AOPEP: variants seen among roughly 807,000 people sequenced by gnomAD.
AOPEP encodes aminopeptidase O.
In AOPEP, 77 loss-of-function variants were observed where a neutral mutation model predicts 98.1. The ratio of observed to expected loss-of-function variants is 0.78; its 90% CI spans 0.65 to 0.95. The LOEUF is 0.95. Ranked by LOEUF, AOPEP falls within the 40% of genes least tolerant of loss-of-function variation. The probability of loss-of-function intolerance (pLI) is 0.00; values close to 1 mark genes in which losing one functional copy is unlikely to be tolerated. For missense variants in AOPEP, 1,024 were observed against 1,024.7 expected, an observed-to-expected ratio of 1.00 and a Z score of 0.01; for synonymous variants, 346 against 365.3, an observed-to-expected ratio of 0.95 and a Z score of 0.60.
intron 5 of AOPEP, among the ~76,000 whole-genome samples, chr9:94,838,456 C>G (rs762755106): frequency 2.6e-5 from 4 of 152,194 alleles, no homozygotes; most frequent in Non-Finnish European, 5.9e-5. Context: ...TTCTGTCTCT[C>G]TCTTCTATAA....
At chr9:94,845,008 T>C (rs1365112252) in intron 5 of AOPEP, among the ~76,000 whole-genome samples, 1 of 152,248 alleles carries the variant, frequency 6.6e-6, no homozygotes, top group East Asian at 1.9e-4. Flanking sequence ...ACACCTACTA[T>C]GTGCAAGCAC....
At chr9:94,991,727 C>T (rs1365849567) in intron 11 of AOPEP, among the ~76,000 whole-genome samples, 2 of 152,312 alleles carry the variant, frequency 1.3e-5, no homozygotes, top group South Asian at 2.1e-4. Context: ...CTTTCCAGAG[C>T]TTTTCACAAA....
chr9:94,914,016 T>C (rs2052448217), intron 5 of AOPEP, among the ~76,000 whole-genome samples: 1 of 152,210 alleles, frequency 6.6e-6, no homozygotes, highest in East Asian at 1.9e-4. Context: ...TAAATCATCT[T>C]ATAGCCATAA....
chr9:94,784,509 C>CAG (rs1477516164), intron 3 of AOPEP, among the ~76,000 whole-genome samples: 3 of 152,046 alleles, frequency 2.0e-5, no homozygotes, highest in African/African-American at 7.2e-5. Flanking sequence ...ATAGAATCTT[C>CAG]AAAACTATTC....
intron 7 of AOPEP, among the ~76,000 whole-genome samples, chr9:94,941,499 A>G (rs2057004437): frequency 6.6e-6 from 1 of 152,202 alleles, no homozygotes; most frequent in South Asian, 2.1e-4. Context: ...GCATTTTCTG[A>G]AAAACTTTAG....
downstream of AOPEP, among the ~76,000 whole-genome samples, chr9:95,088,866 G>A (rs1423535730): frequency 6.6e-6 from 1 of 152,208 alleles, no homozygotes; most frequent in Non-Finnish European, 1.5e-5. Context: ...CCAGTGGGTG[G>A]CATAAATTTG....
chr9:95,084,121 CTT>C (rs754006434), intron 16 of AOPEP, among the ~76,000 whole-genome samples: 11 of 152,052 alleles, frequency 7.2e-5, no homozygotes, highest in African/African-American at 1.4e-4. Flanking sequence ...TTTAAAAAAA[CTT>C]TATCAAATCT....
At chr9:94,787,122 A>G (rs1487072690) in intron 3 of AOPEP, among the ~76,000 whole-genome samples, 1 of 152,258 alleles carries the variant, frequency 6.6e-6, no homozygotes, top group Admixed American at 6.5e-5. Context: ...CTGTGAGGAA[A>G]CAATGACAGT....
chr9:94,921,868 G>A (rs2053659759), intron 5 of AOPEP, among the ~76,000 whole-genome samples: 1 of 152,146 alleles, frequency 6.6e-6, no homozygotes, highest in Admixed American at 6.5e-5. Context: ...CCGGCAGGAT[G>A]TTCAGACTTG....
At chr9:94,757,770 G>GCT (rs1837392149) in intron 1 of AOPEP, among the ~76,000 whole-genome samples, 2 of 151,998 alleles carry the variant, frequency 1.3e-5, no homozygotes, top group Non-Finnish European at 2.9e-5. Context: ...TGTGTTCAGG[G>GCT]CTTTTTTTTA....
intron 16 of AOPEP, chr9:95,085,857 A>C (rs184738205): frequency 1.7e-6 from 2 of 1,161,682 alleles, no homozygotes; most frequent in East Asian, 1.2e-4. Context: ...CATGGCTGTG[A>C]GCGGGGCGGG....
intron 13 of AOPEP, among the ~76,000 whole-genome samples, chr9:95,057,999 G>A (rs924760046): frequency 8.5e-5 from 13 of 152,106 alleles, no homozygotes; most frequent in African/African-American, 2.7e-4. Flanking sequence ...TCCATCTCGC[G>A]GTCTTAAGTC....
chr9:94,881,826 C>A (rs2047618672), intron 5 of AOPEP, among the ~76,000 whole-genome samples: 1 of 152,184 alleles, frequency 6.6e-6, no homozygotes, highest in African/African-American at 2.4e-5. Context: ...GGAATTGAAT[C>A]TAAAATGATT....
intron 7 of AOPEP, among the ~76,000 whole-genome samples, chr9:94,952,119 T>TA (rs1017828729): frequency 6.6e-6 from 1 of 152,164 alleles, no homozygotes; most frequent in Non-Finnish European, 1.5e-5. Context: ...ACTGTCATTT[T>TA]AAAAAAAATT....
At chr9:94,831,228 A>G (rs1164472681) in intron 5 of AOPEP, among the ~76,000 whole-genome samples, 4 of 152,046 alleles carry the variant, frequency 2.6e-5, no homozygotes, top group Admixed American at 2.0e-4. Flanking sequence ...TAATTTTTTT[A>G]TAAGATGTTA....
chr9:95,129,784 C>T, the AOPEP span, among the ~76,000 whole-genome samples: 2 of 152,114 alleles, frequency 1.3e-5, no homozygotes, highest in Admixed American at 6.6e-5. Context: ...TTATCTCCCC[C>T]CTCAGGCTTT....
At chr9:95,025,283 C>T (rs965181522) in intron 13 of AOPEP, among the ~76,000 whole-genome samples, 56 of 152,346 alleles carry the variant, frequency 3.7e-4, no homozygotes, top group African/African-American at 1.3e-3. Flanking sequence ...ATTTTCCCAG[C>T]AGAGGCCATT....
chr9:94,885,073 A>G (rs902973942), intron 5 of AOPEP, among the ~76,000 whole-genome samples: 3 of 139,988 alleles, frequency 2.1e-5, no homozygotes, highest in African/African-American at 8.0e-5. Context: ...TGCTTGCCGC[A>G]TGCAGTGGCT....
intron 16 of AOPEP, 136 bp downstream of exon 16, chr9:95,082,855 G>A (rs112006761): frequency 1.4e-5 from 14 of 1,003,040 alleles, no homozygotes; most frequent in African/African-American, 8.0e-5. Flanking sequence ...CCAGGGCCTG[G>A]AGAGTAACTG....
Sources: allele counts gnomAD v4.1 joint callset (sites outside exome capture counted in the v4.1 genomes callset), GRCh38; gene constraint gnomAD v4.1.1; transcripts MANE v1.5; gene names NCBI Gene and HGNC (gene_info 2026-07-23, HGNC 2026-07-21).